The following ACOXL variants were observed in gnomAD, a reference collection of about 807,000 sequenced individuals.
ACOXL encodes the protein acyl-CoA oxidase like.
A neutral mutation model predicts 71.9 loss-of-function variants in ACOXL; 70 were observed. That is an observed-to-expected ratio of 0.97 (90% CI 0.80 to 1.19). ACOXL has a LOEUF of 1.19. Among genes scored for constraint, ACOXL ranks in the 50% most tolerant of loss-of-function variants. The pLI is 0.00. For missense variants in ACOXL, 703 were observed against 736.3 expected (o/e 0.95, Z 0.52); for synonymous variants, 253 against 281.6 (o/e 0.90, Z 1.02).
chr2:110,942,807 CT>C (rs2060914364), intron 12 of ACOXL, among the ~76,000 whole-genome samples: 1 of 151,078 alleles, frequency 6.6e-6, no homozygotes, highest in South Asian at 2.1e-4. Context: ...TACTTGAACC[CT>C]AAGAGGTGGA....
intron 9 of ACOXL, among the ~76,000 whole-genome samples, chr2:110,811,309 G>A (rs1294990058): frequency 6.6e-6 from 1 of 152,184 alleles, no homozygotes; most frequent in African/African-American, 2.4e-5. Flanking sequence ...TGTAGGTCTT[G>A]CACGGTGGGG....
At chr2:110,978,616 T>G (rs940220130) in intron 12 of ACOXL, among the ~76,000 whole-genome samples, 2 of 152,206 alleles carry the variant, frequency 1.3e-5, no homozygotes, top group Admixed American at 1.3e-4. Context: ...TTATTGGTTT[T>G]GTAGTTTTGC....
At chr2:110,911,369 T>C (rs981391392) in intron 11 of ACOXL, among the ~76,000 whole-genome samples, 4 of 151,980 alleles carry the variant, frequency 2.6e-5, no homozygotes, top group Non-Finnish European at 5.9e-5. Context: ...TCCCAACTTA[T>C]CCCATGTGGC....
intron 14 of ACOXL, among the ~76,000 whole-genome samples, chr2:111,026,465 T>A (rs1254430914): frequency 6.6e-6 from 1 of 150,822 alleles, no homozygotes; most frequent in East Asian, 1.9e-4. Flanking sequence ...TTCTGTGAAG[T>A]TTTTTTAGTT....
chr2:111,005,195 A>G (rs1558857526), intron 14 of ACOXL, among the ~76,000 whole-genome samples: 1 of 152,156 alleles, frequency 6.6e-6, no homozygotes, highest in African/African-American at 2.4e-5. Flanking sequence ...CAGGGTGTAT[A>G]AGACTCACCT....
At chr2:111,021,179 G>T (rs1338697968) in intron 14 of ACOXL, among the ~76,000 whole-genome samples, 1 of 152,134 alleles carries the variant, frequency 6.6e-6, no homozygotes, top group Non-Finnish European at 1.5e-5. Context: ...GAAGGGTAGA[G>T]GAGTGGGCCA....
chr2:111,117,873 C>T lies in ACOXL; in HGVS notation c.*57C>T, dbSNP rs991120550. 1 of 1,513,642 alleles carries T rather than the reference C, an allele frequency of 6.6e-7. No homozygotes were observed. The allele number at this position is 1,513,642 out of a possible 1,614,324, so 93.8% of individuals were successfully genotyped here. A position where few individuals can be genotyped will look rare whatever the true frequency, so the allele number is the denominator to read the frequency against. ...GCAGCTGCCACGACGCTCGCTCCAC[C>T]GACGCCCAGAGCTGTGGCCGAGGCC... is the stretch of plus-strand genomic sequence containing the variant. On this transcript the variant is annotated 3_prime_UTR_variant, in exon 18 of 18. Transcript: ENST00000439055.
chr2:110,857,163 T>G lies in ACOXL; in HGVS notation c.788+15758T>G, dbSNP rs529720088. ...GGCTTTGATCTTTCTTCTCTGCAACTCAACATGTCAGTTTTGTCTTTGACC... is the reference window on the plus strand; with the variant it reads ...GGCTTTGATCTTTCTTCTCTGCAACGCAACATGTCAGTTTTGTCTTTGACC... On this transcript the variant is annotated intron_variant, in intron 10 of 17. Coordinates refer to ENST00000439055, the MANE Select transcript of ACOXL (RefSeq NM_001142807.4). Among the ~76,000 whole-genome samples the G allele has an allele frequency of 2.6e-5, 4 of 151,876 alleles. No individual in the cohort carries two copies. In the South Asian group the frequency reaches 8.4e-4, roughly 32 times the overall value.
chr2:110,839,623 G>A (rs1048865622), intron 9 of ACOXL, among the ~76,000 whole-genome samples: 1 of 152,062 alleles, frequency 6.6e-6, no homozygotes, highest in African/African-American at 2.4e-5. Context: ...TGCCCTCGTT[G>A]GTCCTGTACT....
chr2:110,924,527 G>A (rs1212799601), intron 11 of ACOXL, among the ~76,000 whole-genome samples: 1 of 152,100 alleles, frequency 6.6e-6, no homozygotes, highest in East Asian at 1.9e-4. Flanking sequence ...TTTTCACCAG[G>A]AGTAGATTCT....
At chr2:111,060,998 CAA>C (rs545035706) in intron 16 of ACOXL, among the ~76,000 whole-genome samples, 11 of 152,108 alleles carry the variant, frequency 7.2e-5, no homozygotes, top group Admixed American at 1.3e-4. Flanking sequence ...GAATGAAAAA[CAA>C]AGAGAGCAGA....
intron 9 of ACOXL, among the ~76,000 whole-genome samples, chr2:110,816,395 G>A (rs978686901): frequency 2.0e-5 from 3 of 152,208 alleles, no homozygotes; most frequent in African/African-American, 4.8e-5. Flanking sequence ...GCATTTAAAT[G>A]TATTATTGGC....
chr2:110,822,540 A>G (rs1688739611), intron 9 of ACOXL, among the ~76,000 whole-genome samples: 1 of 152,162 alleles, frequency 6.6e-6, no homozygotes, highest in South Asian at 2.1e-4. Flanking sequence ...TCGGCTCCAG[A>G]GTTACTTAGT....
chr2:111,013,008 T>C (rs1303007616), intron 14 of ACOXL, among the ~76,000 whole-genome samples: 1 of 152,230 alleles, frequency 6.6e-6, no homozygotes, highest in Non-Finnish European at 1.5e-5. Flanking sequence ...GTTTGTTCTT[T>C]GAAATGTTTA....
intron 10 of ACOXL, among the ~76,000 whole-genome samples, chr2:110,891,963 C>T (rs1181841034): frequency 6.6e-6 from 1 of 152,008 alleles, no homozygotes; most frequent in Non-Finnish European, 1.5e-5. Flanking sequence ...TTTGACATTC[C>T]ATGATTTGGA....
intron 12 of ACOXL, among the ~76,000 whole-genome samples, chr2:110,981,062 A>G (rs533287066): frequency 7.9e-5 from 12 of 152,144 alleles, no homozygotes; most frequent in South Asian, 2.1e-4. Context: ...GTGTGGAATT[A>G]TTGAAAGCAT....
At chr2:110,977,405 C>CA (rs1574357034) in intron 12 of ACOXL, among the ~76,000 whole-genome samples, 1 of 150,080 alleles carries the variant, frequency 6.7e-6, no homozygotes, top group Non-Finnish European at 1.5e-5. Context: ...AGAAAAAACA[C>CA]AAAAAACTTC....
At chr2:110,829,268 C>T (rs1689538778) in intron 9 of ACOXL, among the ~76,000 whole-genome samples, 2 of 152,156 alleles carry the variant, frequency 1.3e-5, no homozygotes, top group Admixed American at 1.3e-4. Flanking sequence ...ATCCCCACCC[C>T]AGTTTGGAGT....
chr2:110,836,308 C>A (rs572555319), intron 9 of ACOXL, among the ~76,000 whole-genome samples: 277 of 152,306 alleles, frequency 1.8e-3, no homozygotes, highest in African/African-American at 6.1e-3. Flanking sequence ...TCACTTTCTT[C>A]CAGTCCTCAT....
Sources: allele counts gnomAD v4.1 joint callset (sites outside exome capture counted in the v4.1 genomes callset), GRCh38; gene constraint gnomAD v4.1.1; transcripts MANE v1.5; gene names NCBI Gene and HGNC (gene_info 2026-07-23, HGNC 2026-07-21).